PLIN5: variants seen among roughly 807,000 people sequenced by gnomAD.
PLIN5 encodes the protein perilipin-5.
PLIN5 carries 34 observed loss-of-function variants against 32.8 expected under a neutral mutation model. That is an observed-to-expected ratio of 1.04 (90% CI 0.79 to 1.38). PLIN5 has a LOEUF of 1.38. PLIN5 is among the 40% of genes most tolerant of loss of function. The pLI, the probability that PLIN5 is intolerant of heterozygous loss-of-function variation, is 0.00. For synonymous variants in PLIN5, 309 were observed against 292.9 expected (o/e 1.05, Z -0.56); for missense variants, 712 against 660.5 (o/e 1.08, Z -0.85).
chr19:4,527,437 G>A (rs191817105), intron 5 of PLIN5, among the ~76,000 whole-genome samples: 1 of 145,816 alleles, frequency 6.9e-6, no homozygotes, highest in Admixed American at 7.2e-5. Flanking sequence ...TGTCTAGGAG[G>A]ATGAGGCAGG....
In PLIN5 at chr19:4,527,367, C is replaced by T. The variant is rs138968629; in HGVS notation, c.521-1535G>A. Among the ~76,000 whole-genome samples the T allele has an allele frequency of 9.6e-3, 1,462 of 151,552 alleles. 9 individuals are homozygous for T. The highest frequency in any genetic ancestry group is 0.018 in the South Asian group (87 of 4,798). On this transcript the variant is annotated intron_variant, in intron 5 of 7. Coordinates refer to ENST00000381848, the MANE Select transcript of PLIN5 (RefSeq NM_001013706.3). ...GATTACAGGCGTAAGCCACCGCGCC[C>T]GGCCTAAAAAAAAATTTTTAAATCA...
chr19:4,532,664 G>T (rs1056456213), intron 2 of PLIN5: 6 of 152,214 alleles, frequency 3.9e-5, no homozygotes, highest in Non-Finnish European at 7.3e-5. Flanking sequence ...ATTGCACCTG[G>T]TCACAATTTT....
At position 4,523,676 on chromosome 19, in the gene PLIN5, T is replaced by G. The variant is rs948704579; in HGVS notation, c.1244A>C (p.Gln415Pro). Residue 415 changes from glutamine (Q) to proline (P), a missense_variant, in exon 8 of 8, where the codon CAG (glutamine) becomes CCG (proline). Transcript: ENST00000381848. This position sits in a 1 kb window ranked among gnomAD's most constrained non-coding sequence, Gnocchi z 5.0. ...PRWAHLDWPA[Q>P]QRAWEAEHRD... is the part of the protein sequence containing the mutation. Reference sequence around the variant, plus strand: ...GTGCTCTGCCTCCCAGGCTCTCTGCTGGGCCGGCCAGTCCAGGTGCGCCCA... The same window carrying G: ...GTGCTCTGCCTCCCAGGCTCTCTGCGGGGCCGGCCAGTCCAGGTGCGCCCA... The G allele has an allele frequency of 6.2e-7, 1 of 1,608,338 alleles. No homozygotes were observed. The highest frequency in any genetic ancestry group is 8.5e-7 in the Non-Finnish European group (1 of 1,179,780).
intron 7 of PLIN5, 56 bp downstream of exon 7, chr19:4,524,907 C>CT: frequency 6.9e-7 from 1 of 1,452,150 alleles, no homozygotes; most frequent in Non-Finnish European, 9.2e-7. Flanking sequence ...CGCTCCCCCT[C>CT]TTCCTCCGCG....
rs56850019 is a variant in PLIN5, at chr19:4,529,610, TAC to T, written c.339+172_339+173del. On this transcript the variant is annotated intron_variant, in intron 4 of 7. Transcript: ENST00000381848. ...CACTATACGTATATACATATATGTA[TAC>T]ACACACACACACACACACACACACA... The T allele has an allele frequency of 5.8e-3, 2,507 of 432,010 alleles. 10 individuals carry two copies. Among genetic ancestry groups the T allele is most frequent in the African/African-American group, 0.017 (834 of 47,992 alleles). 26.8% of individuals were successfully genotyped at this position (432,010 alleles called of 1,614,324 possible). A position where few individuals can be genotyped will look rare whatever the true frequency, so the allele number is the denominator to read the frequency against.
chr19:4,523,729 G>A lies in PLIN5; in HGVS notation c.1191C>T (p.Asp397=), dbSNP rs781537857. Residue 397 remains aspartate, a synonymous_variant, in exon 8 of 8, where the codon GAC becomes GAT. Transcript: ENST00000381848. This position sits in a 1 kb window ranked among gnomAD's most constrained non-coding sequence, Gnocchi z 5.0. ...EPLPDLADLV[D]EVIGGPDPRW... ...GGGGGTCAGGGCCCCCGATGACCTC[G>A]TCCACCAGGTCCGCCAGGTCGGGCA... The A allele has an allele frequency of 7.5e-6, 12 of 1,601,604 alleles. No individual in the cohort carries two copies. Among genetic ancestry groups the A allele is most frequent in the East Asian group, 4.5e-5 (2 of 44,866 alleles).
Position 4,531,721 on chromosome 19 carries a change from G to A in PLIN5, c.162C>T (p.Gly54=). ...AGTTCTCAGCCAGGCGGCAGGCGGAGCCCAGCAGCGGGTGCCTGTCCTTGG... is the reference window on the plus strand; with the variant it reads ...AGTTCTCAGCCAGGCGGCAGGCGGAACCCAGCAGCGGGTGCCTGTCCTTGG... ...SAAKDRHPLL[G]SACRLAENCV... is the part of the protein sequence containing the mutation. The change falls in exon 3 of 8, where the codon GGC becomes GGT. Residue 54 remains glycine, a synonymous_variant. Transcript: ENST00000381848. 4.4e-6 allele frequency: 7 copies of A among 1,590,950 alleles called. No individual in the cohort carries two copies. Among genetic ancestry groups the A allele is most frequent in the Non-Finnish European group, 6.0e-6 (7 of 1,172,172 alleles).
rs926145492 is a variant in PLIN5, at chr19:4,522,617, T to C, written c.*911A>G. ...ATGGCAGGCTGAGCAGCACGGCCCATGGGCAGAGGAGGGCTCACTTTTCAA... is the reference window on the plus strand; with the variant it reads ...ATGGCAGGCTGAGCAGCACGGCCCACGGGCAGAGGAGGGCTCACTTTTCAA... On this transcript the variant is annotated 3_prime_UTR_variant, in exon 8 of 8. Coordinates refer to ENST00000381848, the MANE Select transcript of PLIN5 (RefSeq NM_001013706.3). 3.9e-5 allele frequency: 6 copies of C among 152,328 alleles called. No homozygotes were observed. The highest frequency in any genetic ancestry group is 9.6e-5 in the African/African-American group (4 of 41,552). 9.4% of individuals were successfully genotyped at this position (152,328 alleles called of 1,614,324 possible).
rs1176219746 is a variant in PLIN5 at position 4,527,538 on chromosome 19, C to CAAA, written c.520+1532_520+1534dup. On this transcript the variant is annotated intron_variant, in intron 5 of 7. Transcript: ENST00000381848. ...TGGGCGACAGAGTGAGACTCCACTTCAAAAAAAAAAAAAAAAAAAAAAAAA... is the reference window on the plus strand; with the variant it reads ...TGGGCGACAGAGTGAGACTCCACTTCAAAAAAAAAAAAAAAAAAAAAAAAAAAA... Among the ~76,000 whole-genome samples the CAAA allele has an allele frequency of 2.8e-3, 84 of 29,656 alleles. 5 individuals carry two copies. Among genetic ancestry groups the CAAA allele is most frequent in the East Asian group, 5.7e-3 (2 of 348 alleles). 19.5% of individuals were successfully genotyped at this position (29,656 alleles called of 152,430 possible). A position where few individuals can be genotyped will look rare whatever the true frequency, so the allele number is the denominator to read the frequency against.
At chr19:4,530,930 G>A (rs1041767247) in intron 3 of PLIN5, among the ~76,000 whole-genome samples, 15 of 151,878 alleles carry the variant, frequency 9.9e-5, no homozygotes, top group African/African-American at 3.1e-4. Flanking sequence ...TGCCTGCCTC[G>A]GACTCCTAAA....
At chr19:4,524,800 T>C (rs776091410) in intron 7 of PLIN5, among the ~76,000 whole-genome samples, 163 bp downstream of exon 7, 23 of 150,938 alleles carry the variant, frequency 1.5e-4, no homozygotes, top group Non-Finnish European at 3.1e-4. Context: ...CCTGCCTCAG[T>C]TTCCCCCCCC....
intron 3 of PLIN5, among the ~76,000 whole-genome samples, chr19:4,531,313 A>T (rs114083902): frequency 0.029 from 4,290 of 150,226 alleles, 165 homozygotes; most frequent in African/African-American, 0.089. Flanking sequence ...TTAAAAAAAA[A>T]ATTTTTTTTT....
intron 4 of PLIN5, 177 bp downstream of exon 4, chr19:4,529,603 ATATG>A (rs1308873624): frequency 9.6e-6 from 5 of 521,488 alleles, no homozygotes; most frequent in African/African-American, 6.7e-5. Context: ...GTATATACAT[ATATG>A]TATACACACA....
rs1230409634 is a variant in PLIN5, at chr19:4,524,084, G to A, written c.836C>T (p.Ala279Val). The change falls in exon 8 of 8, where the codon GCA becomes GTA. Residue 279 changes from alanine to valine, a missense_variant and splice_region_variant. Ala to Val is a moderately conservative substitution (Grantham distance 64). Coordinates refer to ENST00000381848, the MANE Select transcript of PLIN5 (RefSeq NM_001013706.3). ...RPPESRRRSQ[A>V]ELETLVLSRS... is the part of the protein sequence containing the mutation. ...GGACAGCACCAGCGTCTCCAGCTCT[G>A]CCTGCAGGGGGCGGGGACCTCAGTT... is the stretch of plus-strand genomic sequence containing the variant. The A allele has an allele frequency of 7.0e-7, 1 of 1,419,806 alleles. No homozygotes were observed. Among genetic ancestry groups the A allele is most frequent in the African/African-American group, 1.5e-5 (1 of 66,832 alleles). 88.0% of individuals were successfully genotyped at this position (1,419,806 alleles called of 1,614,324 possible).
chr19:4,528,234 G>T (rs1348226518), intron 5 of PLIN5, among the ~76,000 whole-genome samples: 1 of 151,872 alleles, frequency 6.6e-6, no homozygotes, highest in Non-Finnish European at 1.5e-5. Flanking sequence ...TGCTGAGGTG[G>T]GGGTAAGCCC....
At chr19:4,529,667 C>G in intron 4 of PLIN5, 117 bp downstream of exon 4, 1 of 688,120 alleles carries the variant, frequency 1.5e-6, no homozygotes. Context: ...GTTATTTTAA[C>G]CTGGCTGTTT....
chr19:4,523,667 G>C lies in PLIN5; in HGVS notation c.1253C>G (p.Ala418Gly), dbSNP rs752654390. Residue 418 changes from alanine (A) to glycine (G), a missense_variant, in exon 8 of 8, where the codon GCC (alanine) becomes GGC (glycine). Ala to Gly is a moderately conservative substitution (Grantham distance 60). Transcript: ENST00000381848. The surrounding 1 kb of genome is among the most constrained non-coding windows in gnomAD (Gnocchi z 5.0). The part of the protein sequence containing the change: ...AHLDWPAQQR[A>G]WEAEHRDGSG... ...CCCGTCCCTGTGCTCTGCCTCCCAG[G>C]CTCTCTGCTGGGCCGGCCAGTCCAG... is the stretch of plus-strand genomic sequence containing the variant. 1 of 1,609,194 alleles carries C rather than the reference G, an allele frequency of 6.2e-7. No individual in the cohort carries two copies. The highest frequency in any genetic ancestry group is 1.3e-5 in the African/African-American group (1 of 74,882).
At chr19:4,529,946 G>T in intron 3 of PLIN5, 80 bp from the exon 4 acceptor site, 1 of 826,916 alleles carries the variant, frequency 1.2e-6, no homozygotes, top group Non-Finnish European at 1.9e-6. Flanking sequence ...TAGAAGGAGG[G>T]AATGCTAGAG....
chr19:4,525,794 A>G lies in PLIN5; in HGVS notation c.559T>C (p.Ser187Pro), dbSNP rs1976793166. The change falls in exon 6 of 8, where the codon TCG (serine) becomes CCG (proline). Residue 187 changes from serine (S) to proline (P), a missense_variant. Coordinates refer to ENST00000381848, the MANE Select transcript of PLIN5 (RefSeq NM_001013706.3). This position sits in a 1 kb window ranked among gnomAD's most constrained non-coding sequence, Gnocchi z 5.6. ...AAEAEGPEVG[S>P]VEDQRRQQGY... ...TGCTGTCTCCTCTGATCCTCCACCGAACCCACTTCAGGGCCTTCAGCCTCA... is the reference window on the plus strand; with the variant it reads ...TGCTGTCTCCTCTGATCCTCCACCGGACCCACTTCAGGGCCTTCAGCCTCA... 6.2e-7 allele frequency: 1 copy of G among 1,613,102 alleles called. No homozygotes were observed. The highest frequency in any genetic ancestry group is 1.3e-5 in the African/African-American group (1 of 74,922).
Sources: allele counts gnomAD v4.1 joint callset (sites outside exome capture counted in the v4.1 genomes callset), GRCh38; gene constraint gnomAD v4.1.1; non-coding constraint Gnocchi (gnomAD v3.1); transcripts MANE v1.5; gene names NCBI Gene and HGNC (gene_info 2026-07-23, HGNC 2026-07-21).